SMR3A: variants seen among roughly 807,000 people sequenced by gnomAD.
The protein encoded by SMR3A is submaxillary gland androgen regulated protein 3A.
For synonymous variants in SMR3A, 48 were observed against 57.4 expected (o/e 0.84, Z 0.74); for missense variants, 188 against 163.0 (o/e 1.15, Z -0.84).
Position 70,366,704 on chromosome 4 carries a change from C to G in SMR3A, c.115C>G (p.Pro39Ala), listed in dbSNP as rs1334164297. ...PYPPGPLAPP[P>A]PPCFPFGTGF... ...TCCACCTGGACCACTGGCTCCTCCTCCTCCACCATGTTTTCCTTTTGGAAC... is the reference window on the plus strand; with the variant it reads ...TCCACCTGGACCACTGGCTCCTCCTGCTCCACCATGTTTTCCTTTTGGAAC... Residue 39 changes from proline to alanine, a missense_variant, in exon 3 of 3, where the codon CCT becomes GCT. Pro to Ala is a conservative substitution (Grantham distance 27). Transcript: ENST00000226460. The G allele has an allele frequency of 5.0e-6, 8 of 1,613,454 alleles. No homozygotes were observed. The South Asian group carries it at 8.8e-5, about 18-fold the overall frequency.
intron 2 of SMR3A, among the ~76,000 whole-genome samples, chr4:70,365,372 C>A (rs138998399): frequency 6.6e-6 from 1 of 151,974 alleles, no homozygotes. Flanking sequence ...CCACCATATC[C>A]AGCCTCAGCT....
chr4:70,362,366 A>G (rs1732168730), intron 2 of SMR3A, among the ~76,000 whole-genome samples, 197 bp downstream of exon 2: 1 of 151,876 alleles, frequency 6.6e-6, no homozygotes, highest in South Asian at 2.1e-4. Flanking sequence ...TGATGGCTAC[A>G]ATACTGGACA....
chr4:70,361,152 A>C (rs963420215), intron 1 of SMR3A, among the ~76,000 whole-genome samples: 1 of 151,924 alleles, frequency 6.6e-6, no homozygotes, highest in African/African-American at 2.4e-5. Context: ...ATTGTTCCAC[A>C]GTATATGTTT....
chr4:70,366,990 C>A lies in SMR3A; in HGVS notation c.401C>A (p.Pro134His). The change falls in exon 3 of 3, where the codon CCC becomes CAC. Residue 134 changes from proline to histidine, a missense_variant. By Grantham distance (77) the Pro-to-His change is moderately conservative. Transcript: ENST00000226460. The stretch of plus-strand genomic sequence containing the variant: ...GATCCTGCCCTCCCTACTCCTGCAC[C>A]CTAAATACAGACAACTGCAACAGGT... ...PTDPALPTPAP is the reference protein window; with the variant it reads ...PTDPALPTPAH 6.2e-7 allele frequency: 1 copy of A among 1,611,962 alleles called. No homozygotes were observed. The highest frequency in any genetic ancestry group is 2.2e-5 in the East Asian group (1 of 44,808).
At chr4:70,363,970 C>A (rs1261567645) in intron 2 of SMR3A, among the ~76,000 whole-genome samples, 2 of 151,958 alleles carry the variant, frequency 1.3e-5, no homozygotes, top group African/African-American at 4.8e-5. Flanking sequence ...CTAGAGAAGA[C>A]AAATGCAAGG....
chr4:70,366,065 T>C (rs557563197), intron 2 of SMR3A, among the ~76,000 whole-genome samples: 16 of 152,134 alleles, frequency 1.1e-4, no homozygotes, highest in South Asian at 6.2e-4. Context: ...ATAACTTAGA[T>C]ACATTTAACA....
intron 2 of SMR3A, 123 bp from the exon 3 acceptor site, chr4:70,366,521 G>A (rs1204380358): frequency 1.1e-6 from 1 of 890,500 alleles, no homozygotes; most frequent in Non-Finnish European, 1.7e-6. Context: ...AGGCCAGCAT[G>A]TGCCAGCAGG....
chr4:70,366,682 A>C lies in SMR3A; in HGVS notation c.93A>C (p.Pro31=), dbSNP rs762803012. 7 of 1,612,684 alleles carry C rather than the reference A, an allele frequency of 4.3e-6. No homozygotes were observed. The highest frequency in any genetic ancestry group is 5.9e-6 in the Non-Finnish European group (7 of 1,179,354). Reference sequence around the variant, plus strand: ...AAAGAGGCCCCAGGGGACCATATCCACCTGGACCACTGGCTCCTCCTCCTC... The same window carrying C: ...AAAGAGGCCCCAGGGGACCATATCCCCCTGGACCACTGGCTCCTCCTCCTC... ...ESQRGPRGPY[P]PGPLAPPPPP... is the part of the protein sequence containing the mutation. The change falls in exon 3 of 3, where the codon CCA becomes CCC. Residue 31 remains proline, a synonymous_variant. Transcript: ENST00000226460.
chr4:70,366,747 C>A lies in SMR3A; in HGVS notation c.158C>A (p.Pro53His), dbSNP rs747330430. Residue 53 changes from proline (P) to histidine (H), a missense_variant, in exon 3 of 3, where the codon CCC (proline) becomes CAC (histidine). Transcript: ENST00000226460. ...TTTGGAACAGGATTTGTTCCACCAC[C>A]CCATCCTCCACCCTATGGTCCAGGG... is the stretch of plus-strand genomic sequence containing the variant. ...FPFGTGFVPP[P>H]HPPPYGPGRF... 87 of 1,612,272 alleles carry A rather than the reference C, an allele frequency of 5.4e-5. No individual in the cohort carries two copies. Among genetic ancestry groups the A allele is most frequent in the Non-Finnish European group, 7.3e-5 (86 of 1,178,684 alleles).
intron 2 of SMR3A, among the ~76,000 whole-genome samples, chr4:70,362,629 G>T (rs1253402444): frequency 6.6e-6 from 1 of 151,716 alleles, no homozygotes; most frequent in Non-Finnish European, 1.5e-5. Context: ...AAATTTTGAG[G>T]AAATAATAAA....
In SMR3A at chr4:70,366,809, G is replaced by A. The variant is rs531143056; in HGVS notation, c.220G>A (p.Gly74Arg). 8 of 1,613,304 alleles carry A rather than the reference G, an allele frequency of 5.0e-6. No homozygotes were observed. The African/African-American group carries it at 9.4e-5, about 19-fold the overall frequency. The change falls in exon 3 of 3, where the codon GGG becomes AGG. Residue 74 changes from glycine to arginine, a missense_variant. Physicochemically the swap from Gly to Arg is moderately radical, Grantham distance 125 (BLOSUM62 -2). Coordinates refer to ENST00000226460, the MANE Select transcript of SMR3A (RefSeq NM_012390.4). ...ACCCCTTTCTCCACCCTATGGTCCA[G>A]GGAGAATCCCACCATCCCCTCCTCC... ...PPPLSPPYGP[G>R]RIPPSPPPPY...
chr4:70,361,870 A>G (rs1221027247), intron 1 of SMR3A, among the ~76,000 whole-genome samples: 1 of 151,896 alleles, frequency 6.6e-6, no homozygotes, highest in Non-Finnish European at 1.5e-5. Flanking sequence ...TATCTCCAGT[A>G]TCAGTTTACA....
At chr4:70,365,210 T>C (rs1343320718) in intron 2 of SMR3A, among the ~76,000 whole-genome samples, 2 of 152,020 alleles carry the variant, frequency 1.3e-5, no homozygotes, top group African/African-American at 4.8e-5. Context: ...TTTAAATCCC[T>C]AATGTATTTG....
intron 2 of SMR3A, among the ~76,000 whole-genome samples, chr4:70,365,340 G>C (rs767078474): frequency 6.6e-6 from 1 of 151,922 alleles, no homozygotes; most frequent in Non-Finnish European, 1.5e-5. Context: ...GCCTCCCAAA[G>C]TGCTGGGATT....
chr4:70,363,490 A>T (rs1303711256), intron 2 of SMR3A, among the ~76,000 whole-genome samples: 1 of 151,976 alleles, frequency 6.6e-6, no homozygotes, highest in Non-Finnish European at 1.5e-5. Flanking sequence ...ACTATTTTTA[A>T]TCTCACTAAA....
At position 70,367,081 on chromosome 4, in the gene SMR3A, T is replaced by A. The variant is rs1435389841; in HGVS notation, c.*87T>A. 5.3e-6 allele frequency: 6 copies of A among 1,131,196 alleles called. No homozygotes were observed. In the East Asian group the frequency reaches 1.4e-4, roughly 27 times the overall value. 70.1% of individuals were successfully genotyped at this position (1,131,196 alleles called of 1,614,324 possible). A position where few individuals can be genotyped will look rare whatever the true frequency, so the allele number is the denominator to read the frequency against. On this transcript the variant is annotated 3_prime_UTR_variant, in exon 3 of 3. Transcript: ENST00000226460. ...GCTTCTACTACCCAAAAATAAGAAT[T>A]TCAACACTACTTCCAAGAGACTTTT... is the stretch of plus-strand genomic sequence containing the variant.
chr4:70,362,199 T>C (rs1224752822), intron 2 of SMR3A, 30 bp downstream of exon 2: 1 of 1,611,194 alleles, frequency 6.2e-7, no homozygotes, highest in Non-Finnish European at 8.5e-7. Flanking sequence ...ATCACACATC[T>C]TTATACTTTC....
intron 2 of SMR3A, among the ~76,000 whole-genome samples, chr4:70,363,987 C>T (rs1374613954): frequency 6.6e-6 from 1 of 151,948 alleles, no homozygotes; most frequent in African/African-American, 2.4e-5. Context: ...AAGGCTGGTC[C>T]CACAGAAGTG....
At chr4:70,362,877 A>G (rs1560522145) in intron 2 of SMR3A, among the ~76,000 whole-genome samples, 1 of 151,900 alleles carries the variant, frequency 6.6e-6, no homozygotes, top group Non-Finnish European at 1.5e-5. Flanking sequence ...ATGAAAGCTG[A>G]TTTTTTAGAA....
Sources: allele counts gnomAD v4.1 joint callset (sites outside exome capture counted in the v4.1 genomes callset), GRCh38; gene constraint gnomAD v4.1.1; transcripts MANE v1.5; gene names NCBI Gene and HGNC (gene_info 2026-07-23, HGNC 2026-07-21).